Variants in TMCC2 observed in about 807,000 individuals in gnomAD.
TMCC2 encodes the protein transmembrane and coiled-coil domain family 2.
TMCC2 carries 16 observed loss-of-function variants against 49.4 expected under a neutral mutation model. That is an observed-to-expected ratio of 0.32 (90% confidence interval 0.22 to 0.49). The LOEUF is 0.49. Among genes scored for constraint, TMCC2 ranks in the 20% least tolerant of loss-of-function variants. The pLI is 0.99. For missense variants in TMCC2, 762 were observed against 989.8 expected, an observed-to-expected ratio of 0.77 and a Z score of 3.09; for synonymous variants, 397 against 434.1, an observed-to-expected ratio of 0.91 and a Z score of 1.06.
Position 205,269,831 on chromosome 1 carries a change from G to C in TMCC2, c.1629G>C (p.Gln543His). 6.2e-7 allele frequency: 1 copy of C among 1,614,134 alleles called. No homozygotes were observed. Reference protein sequence around the residue: ...LEDSMEDLKTQLQRDYTYMTQ... With the variant: ...LEDSMEDLKTHLQRDYTYMTQ... Reference sequence around the variant, plus strand: ...ACTCCATGGAAGACCTGAAGACTCAGCTGCAGAGGGACTACACCTACATGA... The same window carrying C: ...ACTCCATGGAAGACCTGAAGACTCACCTGCAGAGGGACTACACCTACATGA... The change falls in exon 3 of 5, where the codon CAG becomes CAC. Residue 543 changes from glutamine to histidine, a missense_variant. By Grantham distance (24) the Gln-to-His change is conservative. Transcript: ENST00000358024.
intron 1 of TMCC2, chr1:205,237,000 TG>T (rs1574832174): frequency 6.6e-6 from 1 of 152,122 alleles, no homozygotes; most frequent in Admixed American, 6.5e-5. Context: ...AAATTGAGAA[TG>T]GGGGAATTTT....
intron 1 of TMCC2, among the ~76,000 whole-genome samples, chr1:205,234,746 G>A (rs2102526576): frequency 6.6e-6 from 1 of 151,866 alleles, no homozygotes; most frequent in African/African-American, 2.4e-5. Flanking sequence ...TGCAGCTTCT[G>A]CCTCCCGGGT....
At chr1:205,262,651 G>A (rs999336381) in intron 2 of TMCC2, among the ~76,000 whole-genome samples, 3 of 152,216 alleles carry the variant, frequency 2.0e-5, no homozygotes, top group Admixed American at 2.0e-4. Flanking sequence ...TGTGTGTGAA[G>A]AAGGCAGATC....
chr1:205,265,594 C>T (rs1168784594), intron 2 of TMCC2, among the ~76,000 whole-genome samples: 1 of 150,572 alleles, frequency 6.6e-6, no homozygotes, highest in African/African-American at 2.4e-5. Flanking sequence ...CGGAGTCTCG[C>T]TCTGTCGCCC....
intron 1 of TMCC2, among the ~76,000 whole-genome samples, chr1:205,230,974 C>T: frequency 1.5e-5 from 1 of 66,486 alleles, no homozygotes. Context: ...TTACCCCGCG[C>T]CCCCATCCAC....
chr1:205,245,565 G>T (rs1178777101), intron 2 of TMCC2, among the ~76,000 whole-genome samples: 2 of 152,180 alleles, frequency 1.3e-5, no homozygotes, highest in Admixed American at 6.5e-5. Flanking sequence ...GTTTTAAATT[G>T]TCCTCTCATC....
intron 2 of TMCC2, among the ~76,000 whole-genome samples, chr1:205,247,339 C>T (rs1660492110): frequency 6.6e-6 from 1 of 152,106 alleles, no homozygotes; most frequent in South Asian, 2.1e-4. Context: ...TGAGAGGTGA[C>T]GTCACTGAAC....
chr1:205,230,223 G>A (rs545843568), intron 1 of TMCC2: 7 of 948,160 alleles, frequency 7.4e-6, no homozygotes, highest in Non-Finnish European at 7.5e-6. Context: ...GCCTTGGGGA[G>A]GAGTGAAAAG....
chr1:205,229,555 G>GT, intron 1 of TMCC2: 1 of 696,650 alleles, frequency 1.4e-6, no homozygotes, highest in Non-Finnish European at 1.7e-6. Context: ...CGGGGGGGGG[G>GT]GGGTGGTGGC....
intron 1 of TMCC2, among the ~76,000 whole-genome samples, chr1:205,238,685 G>A (rs1329362640): frequency 1.3e-5 from 2 of 152,112 alleles, no homozygotes; most frequent in African/African-American, 4.8e-5. Context: ...ATACTATTCT[G>A]GGACACATGC....
At chr1:205,234,050 G>A (rs11240395) in intron 1 of TMCC2, 26,152 of 152,058 alleles carry the variant, frequency 0.17, 3,039 homozygotes, top group East Asian at 0.44. Flanking sequence ...TTGAGGCCCA[G>A]TAGATATGTT....
rs1661635554 is a variant in TMCC2, at chr1:205,272,371, G to C, written c.*247G>C. On this transcript the variant is annotated 3_prime_UTR_variant, in exon 5 of 5. Coordinates refer to ENST00000358024, the MANE Select transcript of TMCC2 (RefSeq NM_014858.4). ...CCTGTGGCCAAGTGGAGCAGAGGTG[G>C]ACATGGGGTTGGATTGTTTTGATTA... 1 of 663,224 alleles carries C rather than the reference G, an allele frequency of 1.5e-6. No homozygotes were observed. The highest frequency in any genetic ancestry group is 2.5e-6 in the Non-Finnish European group (1 of 406,360). 41.1% of individuals were successfully genotyped at this position (663,224 alleles called of 1,614,324 possible).
intron 1 of TMCC2, among the ~76,000 whole-genome samples, chr1:205,234,950 C>T (rs1352480223): frequency 1.3e-5 from 2 of 152,078 alleles, no homozygotes; most frequent in South Asian, 2.1e-4. Context: ...TGAGCCACTG[C>T]GCACGGCCTA....
intron 2 of TMCC2, chr1:205,256,276 C>T (rs1660867090): frequency 1.3e-6 from 2 of 1,544,688 alleles, no homozygotes; most frequent in East Asian, 2.4e-5. Context: ...ATCCAGCAGG[C>T]CCCAGGACTC....
rs142605624 is a variant in TMCC2 at position 205,269,531 on chromosome 1, C to T, written c.1329C>T (p.Ala443=). 2.4e-5 allele frequency: 38 copies of T among 1,613,192 alleles called. 1 individual carries two copies. The African/African-American group carries it at 4.0e-4, about 17-fold the overall frequency. The change falls in exon 3 of 5, where the codon GCC becomes GCT. Residue 443 remains alanine (A), a synonymous_variant. Coordinates refer to ENST00000358024, the MANE Select transcript of TMCC2 (RefSeq NM_014858.4). ...AGTTTGGCAGTGCTGACAACATCGC[C>T]CACCTGAAGGACCCCCTGGAAGATG... ...RNKFGSADNI[A]HLKDPLEDGP...
chr1:205,269,117 T>G lies in TMCC2; in HGVS notation c.915T>G (p.Ile305Met). 1 of 1,614,076 alleles carries G rather than the reference T, an allele frequency of 6.2e-7. No homozygotes were observed. The highest frequency in any genetic ancestry group is 8.5e-7 in the Non-Finnish European group (1 of 1,180,014). ...KILKITEQIK[I>M]EQEARDDNVA... Reference sequence around the variant, plus strand: ...TGAAGATCACCGAGCAGATCAAGATTGAGCAGGAGGCTCGCGACGACAATG... The same window carrying G: ...TGAAGATCACCGAGCAGATCAAGATGGAGCAGGAGGCTCGCGACGACAATG... Residue 305 changes from isoleucine to methionine, a missense_variant, in exon 3 of 5, where the codon ATT (isoleucine) becomes ATG (methionine). Around this residue, in one of 2 missense-constraint regions of TMCC2, gnomAD observed 440 missense variants for 636.7 expected, o/e 0.69. Transcript: ENST00000358024.
At chr1:205,266,930 G>T (rs1012468558) in intron 2 of TMCC2, among the ~76,000 whole-genome samples, 1 of 152,246 alleles carries the variant, frequency 6.6e-6, no homozygotes, top group Non-Finnish European at 1.5e-5. Context: ...TCACTGCAGG[G>T]AACAAGGCAG....
At chr1:205,234,446 A>G (rs1232728057) in intron 1 of TMCC2, among the ~76,000 whole-genome samples, 1 of 152,148 alleles carries the variant, frequency 6.6e-6, no homozygotes, top group East Asian at 1.9e-4. Context: ...ACTCTGTCTC[A>G]AAAATAAAAA....
In TMCC2 at chr1:205,262,552, G is replaced by T. The variant is rs112925007; in HGVS notation, c.748-6398G>T. ...ACTAAAGATCCTGGAGGGGAAGGATGGGGGGATGTCTGCTATTTCCTGTTA... is the reference window on the plus strand; with the variant it reads ...ACTAAAGATCCTGGAGGGGAAGGATTGGGGGATGTCTGCTATTTCCTGTTA... On this transcript the variant is annotated intron_variant, in intron 2 of 4. Coordinates refer to ENST00000358024, the MANE Select transcript of TMCC2 (RefSeq NM_014858.4). Among the ~76,000 whole-genome samples the T allele has an allele frequency of 1.3e-3, 192 of 152,318 alleles. 3 individuals are homozygous for T. The highest frequency in any genetic ancestry group is 4.3e-3 in the African/African-American group (180 of 41,562).
Sources: gnomAD v4.1 joint callset for allele counts (sites outside exome capture counted in the v4.1 genomes callset) on GRCh38, gnomAD v4.1.1 for gene constraint, gnomAD v4.1.1 regional missense constraint, MANE v1.5 for transcripts, NCBI Gene and HGNC (gene_info 2026-07-23, HGNC 2026-07-21) for gene names.